The following GPM6A variants were observed in gnomAD, a reference collection of about 807,000 sequenced individuals.
The protein encoded by GPM6A is neuronal membrane glycoprotein M6-a.
GPM6A carries 7 observed loss-of-function variants against 32.1 expected under a neutral mutation model. That is an observed-to-expected ratio of 0.22 (90% confidence interval 0.12 to 0.41). The LOEUF is 0.41. GPM6A is among the 10% of genes least tolerant of loss of function. GPM6A has a pLI of 1.00. For missense variants in GPM6A, 235 were observed against 347.2 expected (o/e 0.68, Z 2.57); for synonymous variants, 130 against 123.4 (o/e 1.05, Z -0.35).
chr4:175,908,618 T>C (rs917210969), intron 1 of GPM6A, among the ~76,000 whole-genome samples: 1 of 152,158 alleles, frequency 6.6e-6, no homozygotes, highest in Admixed American at 6.6e-5. Context: ...GGGGCCTTTA[T>C]AGGAAAGTTG....
At chr4:175,858,071 C>A (rs1736467277) in intron 1 of GPM6A, among the ~76,000 whole-genome samples, 1 of 152,086 alleles carries the variant, frequency 6.6e-6, no homozygotes, top group African/African-American at 2.4e-5. Flanking sequence ...AGACTTAGAT[C>A]ACTGGAGAGG....
chr4:175,782,263 A>AT (rs1050482150), intron 1 of GPM6A, among the ~76,000 whole-genome samples: 4 of 151,956 alleles, frequency 2.6e-5, no homozygotes, highest in African/African-American at 7.3e-5. Flanking sequence ...TTTCTCAACG[A>AT]TTTTTTTCCC....
chr4:175,977,215 A>AT (rs1000062271), intron 1 of GPM6A, among the ~76,000 whole-genome samples: 68 of 152,316 alleles, frequency 4.5e-4, no homozygotes, highest in African/African-American at 1.4e-3. Flanking sequence ...AGCCAGACTG[A>AT]TTTTTTATGT....
intron 1 of GPM6A, among the ~76,000 whole-genome samples, chr4:175,734,324 T>C (rs1268302490): frequency 6.6e-6 from 1 of 152,080 alleles, no homozygotes; most frequent in Non-Finnish European, 1.5e-5. Context: ...GGCTCACTAC[T>C]GTCACTTGAT....
intron 1 of GPM6A, among the ~76,000 whole-genome samples, chr4:175,940,156 G>A (rs371112123): frequency 2.0e-5 from 3 of 152,184 alleles, no homozygotes; most frequent in South Asian, 4.1e-4. Context: ...TGGAGTCAGG[G>A]GAGTCATAAA....
chr4:175,885,856 A>G (rs990468977), intron 1 of GPM6A, among the ~76,000 whole-genome samples: 5 of 152,228 alleles, frequency 3.3e-5, no homozygotes, highest in African/African-American at 1.2e-4. Context: ...TTAGATATGT[A>G]TGTTTTGAGT....
intron 1 of GPM6A, among the ~76,000 whole-genome samples, chr4:175,986,206 A>C (rs781469815): frequency 6.6e-6 from 1 of 152,040 alleles, no homozygotes; most frequent in East Asian, 1.9e-4. Flanking sequence ...CCATCCCTCC[A>C]TTCCAATAAG....
intron 3 of GPM6A, among the ~76,000 whole-genome samples, chr4:175,669,539 G>A (rs1282577722): frequency 6.6e-6 from 1 of 152,100 alleles, no homozygotes; most frequent in Non-Finnish European, 1.5e-5. Context: ...TCACATTTTG[G>A]AGCATTTCAG....
intron 1 of GPM6A, among the ~76,000 whole-genome samples, chr4:175,849,845 G>C (rs1736198346): frequency 6.6e-6 from 1 of 152,094 alleles, no homozygotes; most frequent in South Asian, 2.1e-4. Context: ...TCTGGGAAGA[G>C]ATATTATCTC....
At chr4:175,942,444 A>G (rs796844782) in intron 1 of GPM6A, among the ~76,000 whole-genome samples, 19 of 152,096 alleles carry the variant, frequency 1.2e-4, no homozygotes, top group African/African-American at 3.9e-4. Flanking sequence ...GTCATGAAGT[A>G]TTTGCCCATG....
At chr4:175,663,126 G>A (rs1742528097) in intron 3 of GPM6A, among the ~76,000 whole-genome samples, 1 of 152,142 alleles carries the variant, frequency 6.6e-6, no homozygotes, top group African/African-American at 2.4e-5. Context: ...AAATGGTACA[G>A]CAGCTTTGGC....
chr4:175,746,281 G>A (rs1476642176), intron 1 of GPM6A, among the ~76,000 whole-genome samples: 3 of 152,102 alleles, frequency 2.0e-5, no homozygotes, highest in African/African-American at 7.2e-5. Flanking sequence ...CAGGGGCATT[G>A]TAGAATCACT....
At chr4:175,931,974 C>T (rs573292328) in intron 1 of GPM6A, among the ~76,000 whole-genome samples, 24 of 151,638 alleles carry the variant, frequency 1.6e-4, no homozygotes, top group South Asian at 1.5e-3. Context: ...TGCCTGTAGT[C>T]CTAGCTACTT....
intron 1 of GPM6A, among the ~76,000 whole-genome samples, chr4:175,874,901 T>C (rs1478514857): frequency 6.6e-6 from 1 of 152,236 alleles, no homozygotes; most frequent in Non-Finnish European, 1.5e-5. Context: ...ACAATTGTTT[T>C]CTACACTGTA....
chr4:175,792,431 G>T (rs946677414), intron 1 of GPM6A, among the ~76,000 whole-genome samples: 1 of 152,186 alleles, frequency 6.6e-6, no homozygotes, highest in South Asian at 2.1e-4. Context: ...GAAGAAAATA[G>T]CCAAAAAGAA....
chr4:175,662,383 T>A (rs745931508), intron 3 of GPM6A, among the ~76,000 whole-genome samples: 8 of 152,140 alleles, frequency 5.3e-5, no homozygotes, highest in Non-Finnish European at 1.2e-4. Flanking sequence ...GTGGATCACC[T>A]GAGGTCAGGA....
intron 1 of GPM6A, among the ~76,000 whole-genome samples, chr4:175,734,256 C>A (rs1731560585): frequency 1.3e-5 from 2 of 151,664 alleles, no homozygotes; most frequent in Admixed American, 1.3e-4. Context: ...AGGTTCTGTT[C>A]CCTTGTCTTT....
At chr4:175,706,295 GATTA>G (rs1413648165) in intron 1 of GPM6A, among the ~76,000 whole-genome samples, 1 of 152,164 alleles carries the variant, frequency 6.6e-6, no homozygotes, top group Non-Finnish European at 1.5e-5. Context: ...AAAAGACATT[GATTA>G]ATTTATTTCC....
chr4:175,816,818 C>T (rs554268834), upstream of GPM6A, among the ~76,000 whole-genome samples: 25 of 152,254 alleles, frequency 1.6e-4, no homozygotes, highest in African/African-American at 5.8e-4. Context: ...CTTTAAGCTC[C>T]AAGTCAGAAA....
Sources: gnomAD v4.1 joint callset for allele counts (sites outside exome capture counted in the v4.1 genomes callset) on GRCh38, gnomAD v4.1.1 for gene constraint, MANE v1.5 for transcripts, NCBI Gene and HGNC (gene_info 2026-07-23, HGNC 2026-07-21) for gene names.